The following TMTC1 variants were observed in gnomAD, a reference collection of about 807,000 sequenced individuals.
TMTC1 encodes the protein protein O-mannosyl-transferase TMTC1.
A neutral mutation model predicts 104.8 loss-of-function variants in TMTC1; 73 were observed. That is an observed-to-expected ratio of 0.70 (90% CI 0.58 to 0.85). The LOEUF (loss-of-function observed/expected upper bound fraction) is 0.85, where lower values mean the gene tolerates loss of function less well. Among genes scored for constraint, TMTC1 ranks in the 40% least tolerant of loss-of-function variants. The pLI is 0.00. For missense variants in TMTC1, 1,035 were observed against 1,096.1 expected, an observed-to-expected ratio of 0.94 and a Z score of 0.79; for synonymous variants, 434 against 428.7, an observed-to-expected ratio of 1.01 and a Z score of -0.15.
intron 9 of TMTC1, among the ~76,000 whole-genome samples, chr12:29,570,408 A>C (rs565446052): frequency 6.6e-6 from 1 of 152,356 alleles, no homozygotes; most frequent in South Asian, 2.1e-4. Flanking sequence ...TTCTTGATTA[A>C]ATCTTAAAAA....
chr12:29,696,602 A>T (rs2036000043), intron 5 of TMTC1, among the ~76,000 whole-genome samples: 2 of 152,180 alleles, frequency 1.3e-5, no homozygotes, highest in Non-Finnish European at 2.9e-5. Context: ...TTTCTTATTA[A>T]AAAGGATGAA....
At chr12:29,596,181 A>C (rs1476516678) in intron 7 of TMTC1, among the ~76,000 whole-genome samples, 1 of 151,954 alleles carries the variant, frequency 6.6e-6, no homozygotes, top group South Asian at 2.1e-4. Flanking sequence ...TAATTTTTGT[A>C]CTTTTAGTAG....
intron 5 of TMTC1, among the ~76,000 whole-genome samples, chr12:29,713,165 C>A (rs889228116): frequency 5.9e-5 from 9 of 151,968 alleles, no homozygotes; most frequent in African/African-American, 2.2e-4. Context: ...CTGACTACCA[C>A]CCTTGAGACT....
At chr12:29,618,335 G>A (rs1200199556) in intron 6 of TMTC1, among the ~76,000 whole-genome samples, 1 of 152,144 alleles carries the variant, frequency 6.6e-6, no homozygotes, top group African/African-American at 2.4e-5. Context: ...GTATATAGAT[G>A]ACACTTTCCT....
intron 11 of TMTC1, chr12:29,532,832 T>G (rs983335448): frequency 3.3e-5 from 5 of 152,206 alleles, no homozygotes; most frequent in Non-Finnish European, 7.4e-5. Context: ...TGCTTCTGTC[T>G]GGCTTATCCA....
intron 2 of TMTC1, among the ~76,000 whole-genome samples, chr12:29,762,989 T>G (rs1943386840): frequency 6.6e-6 from 1 of 152,192 alleles, no homozygotes; most frequent in South Asian, 2.1e-4. Flanking sequence ...GAGATAAGCC[T>G]AAGCATCTGG....
Position 29,507,285 on chromosome 12 carries a change from C to G in TMTC1, c.2509-299G>C, listed in dbSNP as rs547119797. ...GTGTGAGGTTACCATTTCCTGGTGT[C>G]CTCAGGGGGCTAGTACTGTTCCTTG... On this transcript the variant is annotated intron_variant, in intron 17 of 17. Transcript: ENST00000539277. 2.2e-4 allele frequency among the ~76,000 whole-genome samples: 33 copies of G among 152,186 alleles called. No homozygotes were observed. The South Asian group carries it at 4.2e-3, about 19-fold the overall frequency.
chr12:29,692,690 G>A (rs1941300028), intron 5 of TMTC1, among the ~76,000 whole-genome samples: 2 of 145,304 alleles, frequency 1.4e-5, no homozygotes, highest in Admixed American at 1.4e-4. Context: ...ACACTTATAT[G>A]TGAATGTATA....
At chr12:29,514,116 C>T (rs971291227) in intron 16 of TMTC1, among the ~76,000 whole-genome samples, 5 of 152,026 alleles carry the variant, frequency 3.3e-5, no homozygotes, top group Admixed American at 6.5e-5. Flanking sequence ...CAAGAGAGGG[C>T]ATTTCAAGGA....
At chr12:29,531,339 T>A (rs1425509173) in intron 11 of TMTC1, among the ~76,000 whole-genome samples, 1 of 152,178 alleles carries the variant, frequency 6.6e-6, no homozygotes, top group Non-Finnish European at 1.5e-5. Context: ...TGACCCAGAG[T>A]TCCAATTTAT....
intron 5 of TMTC1, among the ~76,000 whole-genome samples, chr12:29,687,161 ATT>A (rs1941119971): frequency 6.6e-6 from 1 of 152,246 alleles, no homozygotes; most frequent in Non-Finnish European, 1.5e-5. Context: ...TATATCCCAT[ATT>A]TCCACAATAT....
intron 5 of TMTC1, among the ~76,000 whole-genome samples, chr12:29,648,250 C>A (rs758775961): frequency 6.6e-6 from 1 of 152,116 alleles, no homozygotes; most frequent in Non-Finnish European, 1.5e-5. Flanking sequence ...TAACATGATT[C>A]CCTAGTGTTT....
At chr12:29,545,946 T>G (rs772805586) in intron 10 of TMTC1, among the ~76,000 whole-genome samples, 1 of 152,196 alleles carries the variant, frequency 6.6e-6, no homozygotes, top group African/African-American at 2.4e-5. Context: ...CTAGTATTAT[T>G]TGCACTTTAT....
At chr12:29,779,975 C>T (rs763312104) in intron 1 of TMTC1, among the ~76,000 whole-genome samples, 10 of 152,068 alleles carry the variant, frequency 6.6e-5, no homozygotes, top group South Asian at 2.1e-4. Context: ...TCACTACATA[C>T]CTATCAAAAT....
chr12:29,726,940 C>T (rs1323920327), intron 5 of TMTC1, among the ~76,000 whole-genome samples: 1 of 152,234 alleles, frequency 6.6e-6, no homozygotes, highest in East Asian at 1.9e-4. Context: ...CACAGGAAAA[C>T]AGGACAGCTA....
chr12:29,620,984 G>A (rs1025800743), intron 6 of TMTC1, among the ~76,000 whole-genome samples: 8 of 152,146 alleles, frequency 5.3e-5, no homozygotes, highest in African/African-American at 1.9e-4. Context: ...ATACTGCAGT[G>A]GTCTCCAGGC....
At position 29,564,717 on chromosome 12, in the gene TMTC1, G is replaced by T. The variant is rs576943795; in HGVS notation, c.1532+7388C>A. Among the ~76,000 whole-genome samples the T allele has an allele frequency of 4.6e-5, 7 of 152,248 alleles. No homozygotes were observed. In the South Asian group the frequency reaches 1.5e-3, roughly 32 times the overall value. Reference sequence around the variant, plus strand: ...TTCTGGGAAATTTTGACACTTAAAAGGTAGGAAGGAGATAAGGAAGCACAC... The same window carrying T: ...TTCTGGGAAATTTTGACACTTAAAATGTAGGAAGGAGATAAGGAAGCACAC... On this transcript the variant is annotated intron_variant, in intron 9 of 17. Coordinates refer to ENST00000539277, the MANE Select transcript of TMTC1 (RefSeq NM_001193451.2).
At position 29,755,620 on chromosome 12, in the gene TMTC1, T is replaced by C. The variant is rs1048692985; in HGVS notation, c.731+89A>G. 1.5e-5 allele frequency: 17 copies of C among 1,159,456 alleles called. No individual in the cohort carries two copies. In the African/African-American group the frequency reaches 1.9e-4, roughly 13 times the overall value. The allele number at this position is 1,159,456 out of a possible 1,614,324, so 71.8% of individuals were successfully genotyped here. On this transcript the variant is annotated intron_variant, in intron 4 of 17. Coordinates refer to ENST00000539277, the MANE Select transcript of TMTC1 (RefSeq NM_001193451.2). ...TGAGATGACATTTAATAAAGTGTTA[T>C]ATTTTTTAAATGGAAGTTTGGAAAC... is the stretch of plus-strand genomic sequence containing the variant.
intron 5 of TMTC1, among the ~76,000 whole-genome samples, chr12:29,715,988 T>TATTATTATTATC (rs1443296660): frequency 0.15 from 3,303 of 22,224 alleles, 89 homozygotes; most frequent in African/African-American, 0.19. Flanking sequence ...CCAAACTCAG[T>TATTATTATTATC]ATTATTATTA....
Sources: gnomAD v4.1 joint callset for allele counts (sites outside exome capture counted in the v4.1 genomes callset) on GRCh38, gnomAD v4.1.1 for gene constraint, MANE v1.5 for transcripts, NCBI Gene and HGNC (gene_info 2026-07-23, HGNC 2026-07-21) for gene names.